ADGRL2: variants seen among roughly 807,000 people sequenced by gnomAD.
ADGRL2 encodes the protein adhesion G protein-coupled receptor L2.
In ADGRL2, 44 loss-of-function variants were observed where a neutral mutation model predicts 157.4. The ratio of observed to expected loss-of-function variants is 0.28; its 90% CI spans 0.22 to 0.36. The LOEUF (loss-of-function observed/expected upper bound fraction) is 0.36, where lower values mean the gene tolerates loss of function less well. ADGRL2 is among the 10% of genes least tolerant of loss of function. The pLI is 1.00. For missense variants in ADGRL2, 1,510 were observed against 1,768.9 expected, an observed-to-expected ratio of 0.85 and a Z score of 2.63; for synonymous variants, 585 against 624.7, an observed-to-expected ratio of 0.94 and a Z score of 0.95.
At chr1:81,950,122 TGTGTGCATGACTGTATGTGAGTGCAA>T in intron 6 of ADGRL2, 41 bp from the exon 7 acceptor site, 1 of 1,309,334 alleles carries the variant, frequency 7.6e-7, no homozygotes, top group African/African-American at 1.5e-5. Context: ...ACACATTCCA[TGTGTGCATGACTGTATGTGAGTGCAA>T]GTGTGTGTTT....
chr1:81,686,229 A>C (rs1364334835), intron 3 of ADGRL2, among the ~76,000 whole-genome samples: 1 of 152,134 alleles, frequency 6.6e-6, no homozygotes, highest in East Asian at 1.9e-4. Flanking sequence ...TATTCTTTGA[A>C]TGTCTGGTAG....
chr1:81,640,149 G>A (rs368873432), intron 3 of ADGRL2, among the ~76,000 whole-genome samples: 2 of 152,028 alleles, frequency 1.3e-5, no homozygotes, highest in East Asian at 1.9e-4. Context: ...TCTGCCAAAC[G>A]TCAAATGGTA....
At chr1:81,373,049 A>T (rs2076187520) in intron 1 of ADGRL2, among the ~76,000 whole-genome samples, 2 of 152,064 alleles carry the variant, frequency 1.3e-5, no homozygotes, top group South Asian at 4.2e-4. Context: ...CCCTTTCAAC[A>T]AGTGCCATGG....
chr1:81,808,027 A>G (rs2089389126), intron 1 of ADGRL2, among the ~76,000 whole-genome samples: 1 of 151,900 alleles, frequency 6.6e-6, no homozygotes, highest in Non-Finnish European at 1.5e-5. Context: ...AAAAAAGTAG[A>G]TGGAATAAAG....
chr1:81,675,395 A>G (rs1257080311), intron 3 of ADGRL2, among the ~76,000 whole-genome samples: 1 of 152,174 alleles, frequency 6.6e-6, no homozygotes, highest in Non-Finnish European at 1.5e-5. Flanking sequence ...TATTCTACTC[A>G]TGTATGAGGC....
At chr1:81,747,033 C>CGT (rs777596802) in intron 1 of ADGRL2, among the ~76,000 whole-genome samples, 2 of 143,046 alleles carry the variant, frequency 1.4e-5, no homozygotes, top group East Asian at 2.1e-4. Flanking sequence ...CGTGTATATA[C>CGT]GTATATATAT....
chr1:81,548,738 A>G (rs954684515), intron 2 of ADGRL2, among the ~76,000 whole-genome samples: 2 of 152,156 alleles, frequency 1.3e-5, no homozygotes, highest in African/African-American at 4.8e-5. Flanking sequence ...ATTGTATTCC[A>G]AATCTCTAAA....
intron 3 of ADGRL2, among the ~76,000 whole-genome samples, chr1:81,619,717 AG>A: frequency 7.6e-6 from 1 of 131,134 alleles, no homozygotes; most frequent in East Asian, 2.3e-4. Flanking sequence ...TGGTGCTAAA[AG>A]AGGGGTGTGT....
chr1:81,809,758 CTTG>C (rs975196634), intron 1 of ADGRL2, among the ~76,000 whole-genome samples: 16 of 151,546 alleles, frequency 1.1e-4, no homozygotes, highest in East Asian at 3.9e-4. Context: ...TATATCAATA[CTTG>C]TTGTTTATTG....
intron 1 of ADGRL2, among the ~76,000 whole-genome samples, chr1:81,728,018 A>C (rs1159512111): frequency 1.3e-5 from 2 of 152,136 alleles, no homozygotes; most frequent in Admixed American, 1.3e-4. Context: ...TGAGCAAGTG[A>C]CTATTGGTAT....
chr1:81,781,759 G>T (rs1458660184), intron 2 of ADGRL2, among the ~76,000 whole-genome samples: 1 of 152,108 alleles, frequency 6.6e-6, no homozygotes, highest in African/African-American at 2.4e-5. Context: ...CTTTTCCTCT[G>T]GTTCCTCTGG....
At chr1:81,867,241 A>G (rs1047768454) in intron 2 of ADGRL2, among the ~76,000 whole-genome samples, 4 of 152,176 alleles carry the variant, frequency 2.6e-5, no homozygotes, top group African/African-American at 9.6e-5. Context: ...TGAAATGTCT[A>G]CTTTCCTAAA....
intron 3 of ADGRL2, among the ~76,000 whole-genome samples, chr1:81,931,390 A>G (rs2095227877): frequency 6.6e-6 from 1 of 152,194 alleles, no homozygotes; most frequent in African/African-American, 2.4e-5. Flanking sequence ...GTTGTACTCT[A>G]TATACTTTAG....
chr1:81,818,786 T>G (rs2090680242), intron 1 of ADGRL2, among the ~76,000 whole-genome samples: 1 of 152,104 alleles, frequency 6.6e-6, no homozygotes, highest in African/African-American at 2.4e-5. Context: ...GAGAAAAGGT[T>G]GTAAAAATAT....
At chr1:81,788,635 G>A (rs1388780612) in intron 2 of ADGRL2, among the ~76,000 whole-genome samples, 3 of 152,156 alleles carry the variant, frequency 2.0e-5, no homozygotes, top group Admixed American at 1.3e-4. Context: ...AGAAGGTAAA[G>A]CCTCTCCTCC....
chr1:81,991,212 C>G lies in ADGRL2; in HGVS notation c.*67C>G, dbSNP rs777159822. ...ATAAATAAAGACACCATTGGCCTGA[C>G]GCAGCTCCCTCAAACTCTGCTTGAA... On this transcript the variant is annotated 3_prime_UTR_variant, in exon 24 of 24. Transcript: ENST00000686636. The G allele has an allele frequency of 3.5e-6, 5 of 1,424,562 alleles. No individual in the cohort carries two copies. The African/African-American group carries it at 5.7e-5, about 16-fold the overall frequency. 88.2% of individuals were successfully genotyped at this position (1,424,562 alleles called of 1,614,324 possible). A position where few individuals can be genotyped will look rare whatever the true frequency, so the allele number is the denominator to read the frequency against.
At chr1:81,635,932 G>A (rs1570698067) in intron 3 of ADGRL2, among the ~76,000 whole-genome samples, 1 of 152,188 alleles carries the variant, frequency 6.6e-6, no homozygotes, top group South Asian at 2.1e-4. Flanking sequence ...CATTCCATGA[G>A]TTTATCAGCT....
At chr1:81,848,438 C>T (rs547648711) in intron 2 of ADGRL2, among the ~76,000 whole-genome samples, 1 of 151,906 alleles carries the variant, frequency 6.6e-6, no homozygotes, top group African/African-American at 2.4e-5. Flanking sequence ...TCAAGCTCTA[C>T]TTAACTGCCA....
chr1:81,956,811 A>T (rs993794276), intron 11 of ADGRL2, among the ~76,000 whole-genome samples: 1 of 152,198 alleles, frequency 6.6e-6, no homozygotes, highest in South Asian at 2.1e-4. Context: ...CTCAAAAGGG[A>T]CACAGACTAC....
Sources: gnomAD v4.1 joint callset for allele counts (sites outside exome capture counted in the v4.1 genomes callset) on GRCh38, gnomAD v4.1.1 for gene constraint, MANE v1.5 for transcripts, NCBI Gene and HGNC (gene_info 2026-07-23, HGNC 2026-07-21) for gene names.